The following HCRTR1 variants were observed in gnomAD, a reference collection of about 807,000 sequenced individuals.
HCRTR1 encodes orexin/Hypocretin receptor type 1.
In HCRTR1, 28 loss-of-function variants were observed where a neutral mutation model predicts 40.6. The ratio of observed to expected loss-of-function variants is 0.69; its 90% CI spans 0.51 to 0.95. The LOEUF (loss-of-function observed/expected upper bound fraction) is 0.95. Ranked by LOEUF, HCRTR1 falls within the 40% of genes least tolerant of loss-of-function variation. The probability of loss-of-function intolerance (pLI) is 0.00; values close to 1 mark genes in which losing one functional copy is unlikely to be tolerated. For synonymous variants in HCRTR1, 209 were observed against 230.0 expected (o/e 0.91, Z 0.83); for missense variants, 482 against 564.7 (o/e 0.85, Z 1.48).
intron 7 of HCRTR1, among the ~76,000 whole-genome samples, 158 bp from the exon 8 acceptor site, chr1:31,624,839 C>T (rs112118372): frequency 0.013 from 1,970 of 152,256 alleles, 37 homozygotes; most frequent in African/African-American, 0.046. Context: ...GAACCCCAAA[C>T]CCTGGCCAAG....
downstream of HCRTR1, chr1:31,630,592 C>T: frequency 6.2e-7 from 1 of 1,608,408 alleles, no homozygotes; most frequent in Non-Finnish European, 8.5e-7. Flanking sequence ...TGGTGCACTC[C>T]ACTCTCCACA....
At chr1:31,624,375 G>C (rs893380223) in intron 7 of HCRTR1, among the ~76,000 whole-genome samples, 6 of 148,710 alleles carry the variant, frequency 4.0e-5, no homozygotes, top group African/African-American at 1.5e-4. Flanking sequence ...AGAATAGCTT[G>C]AGCCCAGGAG....
downstream of HCRTR1, chr1:31,630,765 T>G: frequency 6.2e-7 from 1 of 1,614,060 alleles, no homozygotes; most frequent in Non-Finnish European, 8.5e-7. Context: ...ATGGCAGGAT[T>G]GGCAGAGCGT....
At chr1:31,630,599 C>T (rs2148614762), downstream of HCRTR1, 1 of 1,611,176 alleles carries the variant, frequency 6.2e-7, no homozygotes, top group East Asian at 2.2e-5. Flanking sequence ...CTCCACTCTC[C>T]ACAGATGGTT....
At chr1:31,630,988 T>A (rs1474930788), downstream of HCRTR1, 2 of 705,344 alleles carry the variant, frequency 2.8e-6, no homozygotes, top group Admixed American at 4.7e-5. Context: ...CCCAAGGGTC[T>A]GTCTAAGATG....
downstream of HCRTR1, chr1:31,630,910 T>G: frequency 1.5e-6 from 2 of 1,299,342 alleles, no homozygotes; most frequent in Non-Finnish European, 2.2e-6. Flanking sequence ...CAATCAGGAA[T>G]ACTGGATCAC....
downstream of HCRTR1, among the ~76,000 whole-genome samples, chr1:31,628,803 G>A (rs984732725): frequency 5.3e-5 from 8 of 152,336 alleles, no homozygotes; most frequent in East Asian, 3.9e-4. Context: ...GATGCTCAGC[G>A]AGGGACTGCT....
At chr1:31,632,715 G>A (rs1283229942), downstream of HCRTR1, 18 of 1,518,552 alleles carry the variant, frequency 1.2e-5, no homozygotes. Flanking sequence ...ACCCATTGAG[G>A]CAGCCCTTCT....
intron 7 of HCRTR1, among the ~76,000 whole-genome samples, chr1:31,624,104 CAG>C (rs1639921740): frequency 1.3e-5 from 2 of 152,066 alleles, no homozygotes; most frequent in African/African-American, 2.4e-5. Flanking sequence ...TAAAATAGGA[CAG>C]AGAGTGACAA....
Position 31,623,649 on chromosome 1 carries a change from C to G in HCRTR1, c.865C>G (p.Gln289Glu). 6.2e-7 allele frequency: 1 copy of G among 1,614,088 alleles called. No homozygotes were observed. Among genetic ancestry groups the G allele is most frequent in the Non-Finnish European group, 8.5e-7 (1 of 1,180,046 alleles). Residue 289 changes from glutamine (Q) to glutamate (E), a missense_variant, in exon 7 of 9, where the codon CAG (glutamine) becomes GAG (glutamate). By Grantham distance (29) the Gln-to-Glu change is conservative (BLOSUM62 2). Coordinates refer to ENST00000403528, the MANE Select transcript of HCRTR1 (RefSeq NM_001525.3). ...RARAFLAEVK[Q>E]MRARRKTAKM... ...CCGCGCCTTCCTGGCTGAAGTGAAG[C>G]AGATGCGTGCACGGAGGAAGACAGC...
chr1:31,630,675 G>A (rs781284157), downstream of HCRTR1: 3 of 1,613,622 alleles, frequency 1.9e-6, no homozygotes, highest in Non-Finnish European at 2.5e-6. Flanking sequence ...ATGTTGCCTT[G>A]TACAGCTGTG....
At position 31,626,665 on chromosome 1, in the gene HCRTR1, T is replaced by C. The variant is rs973418226; in HGVS notation, c.1088-125T>C. ...CTCAGGGCTCTCCCTCCCAGCTCTA[T>C]CCCTCCCTCCCTCCCCGCCCCCTCA... On this transcript the variant is annotated intron_variant, in intron 8 of 8. Transcript: ENST00000403528. This position sits in a 1 kb window ranked among gnomAD's most constrained non-coding sequence, Gnocchi z 4.6. 1 of 663,486 alleles carries C rather than the reference T, an allele frequency of 1.5e-6. No individual in the cohort carries two copies. Among genetic ancestry groups the C allele is most frequent in the Admixed American group, 2.8e-5 (1 of 35,578 alleles). The allele number at this position is 663,486 out of a possible 1,614,324, so 41.1% of individuals were successfully genotyped here. A position where few individuals can be genotyped will look rare whatever the true frequency, so the allele number is the denominator to read the frequency against.
chr1:31,619,395 G>A lies in HCRTR1; in HGVS notation c.199+4G>A. On this transcript the variant is annotated splice_donor_region_variant and intron_variant, in intron 3 of 8. Coordinates refer to ENST00000403528, the MANE Select transcript of HCRTR1 (RefSeq NM_001525.3). ...GCCCTGGTGGGCAACACGCTGGGTA[G>A]GTCCAGGGCTTGCCCGGCAGTGCTG... The A allele has an allele frequency of 6.2e-7, 1 of 1,614,020 alleles. No individual in the cohort carries two copies. Among genetic ancestry groups the A allele is most frequent in the Non-Finnish European group, 8.5e-7 (1 of 1,179,946 alleles).
At chr1:31,630,539 T>G, downstream of HCRTR1, 1 of 1,347,866 alleles carries the variant, frequency 7.4e-7, no homozygotes, top group Non-Finnish European at 1.0e-6. Flanking sequence ...AAAGAAGAGA[T>G]GTCCACATAC....
downstream of HCRTR1, chr1:31,630,952 C>A: frequency 1.1e-6 from 1 of 898,092 alleles, no homozygotes; most frequent in Non-Finnish European, 1.7e-6. Context: ...AGGATGGGCA[C>A]AGAAGCACAA....
rs1026566170 is a variant in HCRTR1 at position 31,626,494 on chromosome 1, G to A, written c.1088-296G>A. Among the ~76,000 whole-genome samples, 2 of 152,170 alleles carry A rather than the reference G, an allele frequency of 1.3e-5. No homozygotes were observed. The highest frequency in any genetic ancestry group is 2.4e-5 in the African/African-American group (1 of 41,428). ...CACGTACACACCAAGGAGAGCAGAG[G>A]TGACCTGAGGCCCCCGAGCCAGACA... On this transcript the variant is annotated intron_variant, in intron 8 of 8. Coordinates refer to ENST00000403528, the MANE Select transcript of HCRTR1 (RefSeq NM_001525.3). The surrounding 1 kb of genome is among the most constrained non-coding windows in gnomAD (Gnocchi z 4.6).
intron 1 of HCRTR1, 36 bp downstream of exon 1, chr1:31,617,917 G>A (rs1570244030): frequency 6.6e-6 from 1 of 152,318 alleles, no homozygotes; most frequent in South Asian, 2.1e-4. Context: ...CCTGGGATGG[G>A]GGTTCCAAAG....
At chr1:31,632,136 T>A (rs1640122379), downstream of HCRTR1, among the ~76,000 whole-genome samples, 1 of 152,204 alleles carries the variant, frequency 6.6e-6, no homozygotes, top group African/African-American at 2.4e-5. Flanking sequence ...CAGGGCTCTT[T>A]CCATTCTACA....
chr1:31,621,641 G>A (rs755718082), intron 6 of HCRTR1, 49 bp downstream of exon 6: 2 of 1,317,898 alleles, frequency 1.5e-6, no homozygotes, highest in East Asian at 4.6e-5. Context: ...TGTGGGCTGG[G>A]GGTGGGAGGG....
Sources: allele counts gnomAD v4.1 joint callset (sites outside exome capture counted in the v4.1 genomes callset), GRCh38; gene constraint gnomAD v4.1.1; non-coding constraint Gnocchi (gnomAD v3.1); transcripts MANE v1.5; gene names NCBI Gene and HGNC (gene_info 2026-07-23, HGNC 2026-07-21).